Variants in QTMAN observed in about 807,000 individuals in gnomAD.
QTMAN encodes queuosine-tRNA mannosyltransferase, also known as tRNA-queuosine alpha-mannosyltransferase.
the QTMAN span, among the ~76,000 whole-genome samples, chr2:144,042,033 T>C: frequency 6.6e-6 from 1 of 152,086 alleles, no homozygotes; most frequent in East Asian, 1.9e-4. Flanking sequence ...TGATGTGGAG[T>C]CCAGCCTTTG....
chr2:144,030,104 G>GTT, the QTMAN span, among the ~76,000 whole-genome samples: 1 of 152,208 alleles, frequency 6.6e-6, no homozygotes, highest in Admixed American at 6.5e-5. Flanking sequence ...GGAAGACAGT[G>GTT]TTTGGCCTTT....
the QTMAN span, among the ~76,000 whole-genome samples, chr2:144,286,169 T>C: frequency 6.6e-6 from 1 of 152,226 alleles, no homozygotes; most frequent in Admixed American, 6.5e-5. Context: ...ACTCAAATGA[T>C]TCTGGCCCTC....
chr2:144,325,966 T>G, the QTMAN span, among the ~76,000 whole-genome samples: 8 of 152,252 alleles, frequency 5.3e-5, no homozygotes, highest in Non-Finnish European at 1.2e-4. Context: ...AAGAGTTTGA[T>G]GACTTGCCTC....
chr2:144,322,484 G>A, the QTMAN span, among the ~76,000 whole-genome samples: 1 of 152,058 alleles, frequency 6.6e-6, no homozygotes, highest in South Asian at 2.1e-4. Context: ...AAATTATGTT[G>A]TTATAAAAGC....
At chr2:144,074,672 G>A in the QTMAN span, among the ~76,000 whole-genome samples, 4 of 152,174 alleles carry the variant, frequency 2.6e-5, no homozygotes, top group Non-Finnish European at 4.4e-5. Context: ...CACTAAGGCC[G>A]TAAAAGGTTA....
chr2:144,295,789 T>C, the QTMAN span, among the ~76,000 whole-genome samples: 1 of 152,044 alleles, frequency 6.6e-6, no homozygotes, highest in Non-Finnish European at 1.5e-5. Context: ...ATTTTTAAAT[T>C]TTTTTGTAGA....
At chr2:144,186,373 G>C in the QTMAN span, among the ~76,000 whole-genome samples, 1 of 152,152 alleles carries the variant, frequency 6.6e-6, no homozygotes, top group Non-Finnish European at 1.5e-5. Context: ...ATGTTGTAGA[G>C]GGTGGAAGTC....
chr2:144,215,258 A>AT, the QTMAN span, among the ~76,000 whole-genome samples: 8 of 148,642 alleles, frequency 5.4e-5, no homozygotes, highest in African/African-American at 2.0e-4. Flanking sequence ...TTAAAAAAAA[A>AT]AAAATATATA....
At chr2:144,078,646 T>A in the QTMAN span, among the ~76,000 whole-genome samples, 3 of 152,152 alleles carry the variant, frequency 2.0e-5, no homozygotes, top group African/African-American at 7.2e-5. Flanking sequence ...TCCACACACC[T>A]AGGGAAATAT....
chr2:144,299,849 A>G, the QTMAN span, among the ~76,000 whole-genome samples: 1 of 152,348 alleles, frequency 6.6e-6, no homozygotes, highest in African/African-American at 2.4e-5. Context: ...TGCTCACAAC[A>G]GCCAAAAAGT....
chr2:144,218,926 A>AG, the QTMAN span, among the ~76,000 whole-genome samples: 2 of 151,228 alleles, frequency 1.3e-5, no homozygotes, highest in Non-Finnish European at 3.0e-5. Flanking sequence ...AAAAAAAAAA[A>AG]AAAAAAAAAA....
chr2:144,115,596 T>G, the QTMAN span, among the ~76,000 whole-genome samples: 3 of 152,218 alleles, frequency 2.0e-5, no homozygotes, highest in Non-Finnish European at 4.4e-5. Context: ...TTATCACTAT[T>G]TTTGTTTTCT....
At chr2:144,100,211 T>C in the QTMAN span, among the ~76,000 whole-genome samples, 9 of 152,194 alleles carry the variant, frequency 5.9e-5, no homozygotes, top group Non-Finnish European at 2.9e-5. Flanking sequence ...CTGGCCCAAG[T>C]TCTGCTCTCA....
chr2:144,240,352 T>C, the QTMAN span, among the ~76,000 whole-genome samples: 1 of 152,210 alleles, frequency 6.6e-6, no homozygotes, highest in Non-Finnish European at 1.5e-5. Flanking sequence ...ATGCCTTGAT[T>C]TGTATATATT....
the QTMAN span, among the ~76,000 whole-genome samples, chr2:144,144,925 G>C: frequency 6.6e-6 from 1 of 151,778 alleles, no homozygotes; most frequent in African/African-American, 2.4e-5. Context: ...TTTCAGAATT[G>C]TTATTAACTT....
At chr2:144,140,030 T>C in the QTMAN span, among the ~76,000 whole-genome samples, 1 of 152,088 alleles carries the variant, frequency 6.6e-6, no homozygotes. Context: ...AACAAAATAA[T>C]ACAGTTTTGA....
the QTMAN span, among the ~76,000 whole-genome samples, chr2:144,296,927 T>C: frequency 2.0e-5 from 3 of 152,218 alleles, no homozygotes; most frequent in Non-Finnish European, 4.4e-5. Context: ...GATTGCTTTA[T>C]AATGAAATAA....
chr2:144,040,048 G>A, the QTMAN span, among the ~76,000 whole-genome samples: 3 of 152,090 alleles, frequency 2.0e-5, no homozygotes, highest in Non-Finnish European at 4.4e-5. Context: ...TAATAGCAAA[G>A]GGTCATGCAA....
At chr2:144,115,650 A>G in the QTMAN span, among the ~76,000 whole-genome samples, 4 of 152,122 alleles carry the variant, frequency 2.6e-5, no homozygotes, top group African/African-American at 9.7e-5. Context: ...TGGCAATGTC[A>G]CTGGAAAAAA....
Sources: gnomAD v4.1 joint callset for allele counts (sites outside exome capture counted in the v4.1 genomes callset) on GRCh38, gnomAD v4.1.1 for gene constraint, MANE v1.5 for transcripts, NCBI Gene and HGNC (gene_info 2026-07-23, HGNC 2026-07-21) for gene names.